The following FHIT variants were observed in gnomAD, a reference collection of about 807,000 sequenced individuals.
FHIT encodes fragile histidine triad diadenosine triphosphatase.
Under a neutral mutation model 17.9 loss-of-function variants are expected in FHIT, and 19 were observed. The observed-to-expected ratio is 1.06, with a 90% confidence interval of 0.74 to 1.56. FHIT has a LOEUF of 1.56. Ranked by LOEUF, FHIT falls within the 40% of genes most tolerant of loss-of-function variation. The pLI is 0.00. For synonymous variants in FHIT, 81 were observed against 69.7 expected, an observed-to-expected ratio of 1.16 and a Z score of -0.81; for missense variants, 248 against 189.2, an observed-to-expected ratio of 1.31 and a Z score of -1.82.
At chr3:60,270,845 A>C (rs1706823898) in intron 5 of FHIT, among the ~76,000 whole-genome samples, 1 of 152,238 alleles carries the variant, frequency 6.6e-6, no homozygotes, top group South Asian at 2.1e-4. Flanking sequence ...TTATCCTTCC[A>C]GAGAAAGCCA....
intron 2 of FHIT, among the ~76,000 whole-genome samples, chr3:61,161,288 C>T (rs1189630833): frequency 6.6e-6 from 1 of 151,882 alleles, no homozygotes; most frequent in East Asian, 1.9e-4. Flanking sequence ...CTGCAACCTC[C>T]ACCTCCAGAT....
chr3:60,141,301 T>C lies in FHIT; in HGVS notation c.104-127149A>G, dbSNP rs149372454. 4.3e-3 allele frequency among the ~76,000 whole-genome samples: 659 copies of C among 152,074 alleles called. 6 individuals carry two copies. Among genetic ancestry groups the C allele is most frequent in the African/African-American group, 0.015 (632 of 41,482 alleles). On this transcript the variant is annotated intron_variant, in intron 5 of 9. Coordinates refer to ENST00000492590, the MANE Select transcript of FHIT (RefSeq NM_002012.4). ...TTCAGGGTTGTGGGAATTACAATTGTTCTGAAAGAAAACTGATTACTTACA... is the reference window on the plus strand; with the variant it reads ...TTCAGGGTTGTGGGAATTACAATTGCTCTGAAAGAAAACTGATTACTTACA...
At chr3:61,182,996 T>C (rs893622724) in intron 2 of FHIT, among the ~76,000 whole-genome samples, 16 of 152,210 alleles carry the variant, frequency 1.1e-4, no homozygotes, top group East Asian at 7.7e-4. Context: ...CTCTTCATTG[T>C]GGCTGACAGT....
intron 5 of FHIT, among the ~76,000 whole-genome samples, chr3:60,023,714 G>A (rs936921296): frequency 6.6e-6 from 1 of 152,150 alleles, no homozygotes; most frequent in Non-Finnish European, 1.5e-5. Context: ...AGCAGATGAA[G>A]CCTCCTTAGA....
chr3:60,845,192 AT>A (rs1559766282), intron 3 of FHIT, among the ~76,000 whole-genome samples: 2 of 152,054 alleles, frequency 1.3e-5, no homozygotes, highest in Non-Finnish European at 2.9e-5. Context: ...CAAGCTTTCC[AT>A]TTCCCCACAA....
At chr3:61,116,234 G>A (rs1441558625) in intron 2 of FHIT, among the ~76,000 whole-genome samples, 1 of 151,784 alleles carries the variant, frequency 6.6e-6, no homozygotes, top group Non-Finnish European at 1.5e-5. Flanking sequence ...TTAAAGCCTC[G>A]TCTAGTACTT....
chr3:61,125,224 G>T (rs1357726458), intron 2 of FHIT, among the ~76,000 whole-genome samples: 1 of 152,012 alleles, frequency 6.6e-6, no homozygotes, highest in Non-Finnish European at 1.5e-5. Flanking sequence ...TAAACACAAA[G>T]CAAAAAATTA....
chr3:60,405,887 A>C (rs1212371116), intron 5 of FHIT, among the ~76,000 whole-genome samples: 2 of 152,128 alleles, frequency 1.3e-5, no homozygotes, highest in Non-Finnish European at 2.9e-5. Context: ...GCTAAAAATG[A>C]CCAATCTCCT....
chr3:60,412,937 G>T (rs1169701240), intron 5 of FHIT, among the ~76,000 whole-genome samples: 1 of 152,128 alleles, frequency 6.6e-6, no homozygotes, highest in African/African-American at 2.4e-5. Context: ...CACCATGTAA[G>T]ATGTGCCTGC....
intron 5 of FHIT, among the ~76,000 whole-genome samples, chr3:60,369,686 A>G (rs868755721): frequency 6.6e-6 from 1 of 152,162 alleles, no homozygotes; most frequent in African/African-American, 2.4e-5. Flanking sequence ...TATAGCCCCA[A>G]CTGAGCTTCT....
At chr3:61,159,620 A>G (rs1003236200) in intron 2 of FHIT, among the ~76,000 whole-genome samples, 4 of 152,354 alleles carry the variant, frequency 2.6e-5, no homozygotes, top group Middle Eastern at 3.4e-3. Context: ...ATTTAACATT[A>G]TTAAATGTTT....
intron 4 of FHIT, among the ~76,000 whole-genome samples, chr3:60,818,623 T>C (rs1440458731): frequency 1.3e-5 from 2 of 152,224 alleles, no homozygotes; most frequent in African/African-American, 4.8e-5. Flanking sequence ...CATGAAATGT[T>C]CTCCTTCATC....
intron 8 of FHIT, among the ~76,000 whole-genome samples, chr3:59,872,062 G>T (rs1334090239): frequency 6.6e-6 from 1 of 152,116 alleles, no homozygotes; most frequent in Non-Finnish European, 1.5e-5. Flanking sequence ...TACAGAAATG[G>T]GGCTGAGTGG....
At chr3:60,016,754 T>C (rs960800983) in intron 5 of FHIT, among the ~76,000 whole-genome samples, 3 of 152,182 alleles carry the variant, frequency 2.0e-5, no homozygotes, top group Non-Finnish European at 2.9e-5. Flanking sequence ...CCTTTTAAAG[T>C]AGAACAATTT....
At chr3:60,094,594 C>G (rs1231010374) in intron 5 of FHIT, among the ~76,000 whole-genome samples, 1 of 152,206 alleles carries the variant, frequency 6.6e-6, no homozygotes, top group East Asian at 1.9e-4. Flanking sequence ...CTAGCTCTGA[C>G]AGCATCTCCT....
chr3:60,983,768 T>C (rs9852160), intron 3 of FHIT, among the ~76,000 whole-genome samples: 2,257 of 152,260 alleles, frequency 0.015, 51 homozygotes, highest in African/African-American at 0.051. Context: ...ATGGGACATA[T>C]AGGCTCACCA....
intron 4 of FHIT, among the ~76,000 whole-genome samples, chr3:60,638,604 G>C (rs148631600): frequency 3.9e-5 from 6 of 152,174 alleles, no homozygotes; most frequent in Non-Finnish European, 7.4e-5. Flanking sequence ...TTTAATTTGA[G>C]ATGTTTTAGG....
intron 5 of FHIT, among the ~76,000 whole-genome samples, chr3:60,313,158 T>C (rs1709020800): frequency 6.6e-6 from 1 of 152,222 alleles, no homozygotes; most frequent in African/African-American, 2.4e-5. Context: ...AGATGTATGT[T>C]ATCCACACAC....
intron 3 of FHIT, among the ~76,000 whole-genome samples, chr3:60,879,001 A>G (rs1307924287): frequency 6.6e-6 from 1 of 152,172 alleles, no homozygotes; most frequent in Non-Finnish European, 1.5e-5. Context: ...TTGAGTATAT[A>G]CCCAGTAATG....
Sources: gnomAD v4.1 joint callset for allele counts (sites outside exome capture counted in the v4.1 genomes callset) on GRCh38, gnomAD v4.1.1 for gene constraint, MANE v1.5 for transcripts, NCBI Gene and HGNC (gene_info 2026-07-23, HGNC 2026-07-21) for gene names.